The following ESRRG variants were observed in gnomAD, a reference collection of about 807,000 sequenced individuals.
ESRRG encodes the protein estrogen-related receptor gamma.
ESRRG carries 13 observed loss-of-function variants against 44.0 expected under a neutral mutation model. That is an observed-to-expected ratio of 0.30 (90% CI 0.19 to 0.47). The LOEUF (loss-of-function observed/expected upper bound fraction) is 0.47. ESRRG is among the 20% of genes least tolerant of loss of function. The probability of loss-of-function intolerance (pLI) is 1.00; values close to 1 mark genes in which losing one functional copy is unlikely to be tolerated. For missense variants in ESRRG, 395 were observed against 580.6 expected, an observed-to-expected ratio of 0.68 and a Z score of 3.29; for synonymous variants, 215 against 214.6, an observed-to-expected ratio of 1.00 and a Z score of -0.02.
At chr1:217,008,727 T>C (rs965369810) in intron 1 of ESRRG, among the ~76,000 whole-genome samples, 8 of 152,358 alleles carry the variant, frequency 5.3e-5, no homozygotes, top group African/African-American at 1.9e-4. Context: ...ACAGTGGCTC[T>C]TGATATACCA....
chr1:216,603,230 T>G (rs1012901387), intron 3 of ESRRG, among the ~76,000 whole-genome samples: 9 of 152,182 alleles, frequency 5.9e-5, no homozygotes, highest in African/African-American at 2.2e-4. Context: ...TTCCCTCTTA[T>G]TTTTTTAACA....
At chr1:216,533,449 G>A (rs912526416) in intron 5 of ESRRG, among the ~76,000 whole-genome samples, 1 of 152,056 alleles carries the variant, frequency 6.6e-6, no homozygotes, top group African/African-American at 2.4e-5. Flanking sequence ...TACTATAGTA[G>A]GCAGTTAACT....
At chr1:216,833,542 T>C (rs762142263) in intron 2 of ESRRG, among the ~76,000 whole-genome samples, 1 of 152,216 alleles carries the variant, frequency 6.6e-6, no homozygotes, top group Non-Finnish European at 1.5e-5. Context: ...ATCGTTTCTG[T>C]GACAAATTTG....
At chr1:216,750,160 A>C (rs942726771) in intron 2 of ESRRG, among the ~76,000 whole-genome samples, 3 of 152,156 alleles carry the variant, frequency 2.0e-5, no homozygotes, top group African/African-American at 7.2e-5. Context: ...TTTACAAGGC[A>C]AAAAATGCCT....
chr1:216,901,634 G>A lies in ESRRG; in HGVS notation c.-14+37948C>T, dbSNP rs368486413. 1.3e-3 allele frequency among the ~76,000 whole-genome samples: 199 copies of A among 152,190 alleles called. 10 individuals carry two copies. The South Asian group carries it at 0.04, about 30-fold the overall frequency. On this transcript the variant is annotated intron_variant, in intron 2 of 7. Transcript: ENST00000359162. ...AATGTTCCCACCTTGGCCTCCCAAA[G>A]TATTGGGGTTACAGGTGTAAGCCAC...
intron 1 of ESRRG, among the ~76,000 whole-genome samples, chr1:217,134,577 A>G (rs1428208285): frequency 1.3e-5 from 2 of 152,148 alleles, no homozygotes; most frequent in Non-Finnish European, 2.9e-5. Flanking sequence ...CCGTACCCCC[A>G]AAAGTGTACC....
intron 1 of ESRRG, among the ~76,000 whole-genome samples, chr1:216,722,397 T>C (rs1348661300): frequency 7.1e-6 from 1 of 141,686 alleles, no homozygotes; most frequent in African/African-American, 2.5e-5. Context: ...TTACTTCTCG[T>C]ACCCCCTACT....
At chr1:216,513,663 A>G (rs1199061603) in intron 6 of ESRRG, among the ~76,000 whole-genome samples, 1 of 152,154 alleles carries the variant, frequency 6.6e-6, no homozygotes, top group Non-Finnish European at 1.5e-5. Context: ...CAGGCTTCTT[A>G]CAAGTCCCAA....
intron 1 of ESRRG, among the ~76,000 whole-genome samples, chr1:217,113,259 T>C (rs757829897): frequency 6.6e-6 from 1 of 151,800 alleles, no homozygotes; most frequent in African/African-American, 2.4e-5. Flanking sequence ...CCTCAGAGAG[T>C]AGTTCCAAGA....
At chr1:216,782,892 T>G (rs2093985363) in intron 2 of ESRRG, among the ~76,000 whole-genome samples, 1 of 152,026 alleles carries the variant, frequency 6.6e-6, no homozygotes, top group Non-Finnish European at 1.5e-5. Flanking sequence ...TCTTGTCAGT[T>G]TTAATAGGTA....
chr1:216,790,156 G>A (rs1476969341), intron 2 of ESRRG, among the ~76,000 whole-genome samples: 1 of 152,172 alleles, frequency 6.6e-6, no homozygotes, highest in Admixed American at 6.5e-5. Context: ...GAGGAACAGA[G>A]CTGCCTGACA....
intron 2 of ESRRG, among the ~76,000 whole-genome samples, chr1:216,675,523 AC>A (rs2075954417): frequency 6.6e-6 from 1 of 152,198 alleles, no homozygotes; most frequent in Non-Finnish European, 1.5e-5. Flanking sequence ...TGAAGGCTCC[AC>A]ATAAATTAGT....
chr1:217,052,693 C>A (rs1290564706), intron 1 of ESRRG, among the ~76,000 whole-genome samples: 17 of 152,088 alleles, frequency 1.1e-4, no homozygotes, highest in Non-Finnish European at 2.9e-5. Flanking sequence ...ACTAAATAAG[C>A]ATTTTTAGAA....
intron 1 of ESRRG, among the ~76,000 whole-genome samples, chr1:217,099,537 C>A (rs1401361847): frequency 2.6e-5 from 4 of 152,060 alleles, no homozygotes; most frequent in Non-Finnish European, 1.5e-5. Flanking sequence ...TACCAAGGAC[C>A]AATACATCAG....
At chr1:216,976,261 A>C (rs2150343344) in intron 1 of ESRRG, among the ~76,000 whole-genome samples, 1 of 151,098 alleles carries the variant, frequency 6.6e-6, no homozygotes, top group Admixed American at 6.6e-5. Context: ...ATAACCCAGC[A>C]CTTCAAAGTA....
At position 216,704,783 on chromosome 1, in the gene ESRRG, A is replaced by C. The variant is rs547995760; in HGVS notation, c.56+18461T>G. Reference sequence around the variant, plus strand: ...GAGGAGTAGATTTTTTTTAAATCATAATTTAAATAAAACCCCCTACCCACA... The same window carrying C: ...GAGGAGTAGATTTTTTTTAAATCATCATTTAAATAAAACCCCCTACCCACA... On this transcript the variant is annotated intron_variant, in intron 1 of 6. Transcript: ENST00000408911. Among the ~76,000 whole-genome samples the C allele has an allele frequency of 3.4e-5, 5 of 148,892 alleles. No homozygotes were observed. In the East Asian group the frequency reaches 9.8e-4, roughly 29 times the overall value.
chr1:216,744,668 C>G (rs2091180574), intron 2 of ESRRG, among the ~76,000 whole-genome samples: 1 of 152,208 alleles, frequency 6.6e-6, no homozygotes, highest in Non-Finnish European at 1.5e-5. Context: ...ATCTCACCAT[C>G]TTTATTCCTG....
intron 1 of ESRRG, among the ~76,000 whole-genome samples, chr1:217,126,013 T>C (rs1175545044): frequency 1.3e-5 from 2 of 152,132 alleles, no homozygotes; most frequent in Non-Finnish European, 2.9e-5. Context: ...CACTCTGTCA[T>C]AGGGTTTTGG....
chr1:216,892,176 G>T (rs531361021), intron 2 of ESRRG, among the ~76,000 whole-genome samples: 3 of 152,136 alleles, frequency 2.0e-5, no homozygotes, highest in African/African-American at 7.2e-5. Flanking sequence ...ATGAATAAAA[G>T]AAAACATTAT....
Sources: allele counts gnomAD v4.1 joint callset (sites outside exome capture counted in the v4.1 genomes callset), GRCh38; gene constraint gnomAD v4.1.1; transcripts MANE v1.5; gene names NCBI Gene and HGNC (gene_info 2026-07-23, HGNC 2026-07-21).